VNN1: variants seen among roughly 807,000 people sequenced by gnomAD.
The protein encoded by VNN1 is vanin 1, also known as pantetheinase.
In VNN1, 29 loss-of-function variants were observed where a neutral mutation model predicts 41.9. The ratio of observed to expected loss-of-function variants is 0.69; its 90% CI spans 0.52 to 0.94. VNN1 has a LOEUF of 0.94. VNN1 is among the 40% of genes least tolerant of loss of function. The pLI, the probability that VNN1 is intolerant of heterozygous loss-of-function variation, is 0.00. For synonymous variants in VNN1, 233 were observed against 224.4 expected (o/e 1.04, Z -0.34); for missense variants, 637 against 621.1 (o/e 1.03, Z -0.27).
At chr6:132,690,441 G>A (rs909230621) in intron 5 of VNN1, among the ~76,000 whole-genome samples, 4 of 152,118 alleles carry the variant, frequency 2.6e-5, no homozygotes, top group Non-Finnish European at 5.9e-5. Context: ...ACACCACAAA[G>A]AATCCCCTCC....
At chr6:132,693,620 G>A (rs1368019928) in intron 3 of VNN1, among the ~76,000 whole-genome samples, 4 of 152,154 alleles carry the variant, frequency 2.6e-5, no homozygotes, top group African/African-American at 9.7e-5. Context: ...TCCTTGGCAA[G>A]GAACTTTGTT....
At chr6:132,695,670 TC>T (rs1207642836) in intron 2 of VNN1, among the ~76,000 whole-genome samples, 1 of 152,196 alleles carries the variant, frequency 6.6e-6, no homozygotes, top group East Asian at 1.9e-4. Flanking sequence ...ATTTATTTTC[TC>T]TTTTTCTCCT....
chr6:132,705,275 C>A (rs1298601421), intron 2 of VNN1, among the ~76,000 whole-genome samples: 1 of 152,048 alleles, frequency 6.6e-6, no homozygotes, highest in Non-Finnish European at 1.5e-5. Flanking sequence ...AAAACCTCAA[C>A]AAAATACTAG....
At chr6:132,683,382 C>G in intron 6 of VNN1, 60 bp from the exon 7 acceptor site, 1 of 1,508,620 alleles carries the variant, frequency 6.6e-7, no homozygotes, top group Non-Finnish European at 9.0e-7. Context: ...CCATAAATCA[C>G]TTTTAAAATT....
chr6:132,695,331 A>T (rs1778353214), intron 2 of VNN1, among the ~76,000 whole-genome samples: 1 of 152,180 alleles, frequency 6.6e-6, no homozygotes, highest in Non-Finnish European at 1.5e-5. Context: ...TTGGAAGGTA[A>T]CTTACAGTTA....
intron 2 of VNN1, 131 bp downstream of exon 2, chr6:132,711,578 A>G (rs1373986111): frequency 9.5e-7 from 1 of 1,054,304 alleles, no homozygotes; most frequent in Non-Finnish European, 1.3e-6. Flanking sequence ...ATATACCCAT[A>G]GTAGATGAAA....
At chr6:132,705,218 A>T (rs567346014) in intron 2 of VNN1, among the ~76,000 whole-genome samples, 1 of 152,214 alleles carries the variant, frequency 6.6e-6, no homozygotes, top group East Asian at 1.9e-4. Flanking sequence ...AAAGACACAT[A>T]AAAAAGAAAA....
intron 2 of VNN1, among the ~76,000 whole-genome samples, chr6:132,705,256 T>G (rs1034496281): frequency 6.6e-6 from 1 of 151,984 alleles, no homozygotes; most frequent in African/African-American, 2.4e-5. Flanking sequence ...TGATGAACAT[T>G]GATGCAAAAA....
intron 2 of VNN1, 44 bp from the exon 3 acceptor site, chr6:132,694,226 C>G: frequency 6.6e-7 from 1 of 1,513,578 alleles, no homozygotes; most frequent in Non-Finnish European, 8.8e-7. Flanking sequence ...GTAAATCAAT[C>G]TTAACTCTCA....
rs778427886 is a variant in VNN1 at position 132,692,995 on chromosome 6, G to A, written c.826+29C>T. On this transcript the variant is annotated intron_variant, in intron 4 of 6. Coordinates refer to ENST00000367928, the MANE Select transcript of VNN1 (RefSeq NM_004666.3). ...TTTCTTTTCTTTTCTGATTACATCAGCCTGCATATCTTTAAGATCACACAT... is the reference window on the plus strand; with the variant it reads ...TTTCTTTTCTTTTCTGATTACATCAACCTGCATATCTTTAAGATCACACAT... 1.9e-5 allele frequency: 29 copies of A among 1,559,876 alleles called. No individual in the cohort carries two copies. In the East Asian group the frequency reaches 5.9e-4, roughly 32 times the overall value.
At chr6:132,713,772 A>G (rs1329391715) in intron 1 of VNN1, 54 bp downstream of exon 1, 2 of 1,586,986 alleles carry the variant, frequency 1.3e-6, no homozygotes, top group Non-Finnish European at 1.7e-6. Flanking sequence ...GTCTCCTAGG[A>G]CCCCCTCCTT....
Position 132,683,267 on chromosome 6 carries a change from G to T in VNN1, c.1415C>A (p.Thr472Lys), listed in dbSNP as rs757941798. ...SLKPTSGPVL[T>K]VTLFGRLYEK... Reference sequence around the variant, plus strand: ...ATACAACCTCCCAAACAGAGTTACTGTTAAGACAGGTCCGGATGTTGGCTT... The same window carrying T: ...ATACAACCTCCCAAACAGAGTTACTTTTAAGACAGGTCCGGATGTTGGCTT... The change falls in exon 7 of 7, where the codon ACA (threonine) becomes AAA (lysine). Residue 472 changes from threonine (T) to lysine (K), a missense_variant. By Grantham distance (78) the Thr-to-Lys change is moderately conservative (BLOSUM62 -1). Transcript: ENST00000367928. 6.2e-7 allele frequency: 1 copy of T among 1,614,060 alleles called. No individual in the cohort carries two copies. The highest frequency in any genetic ancestry group is 8.5e-7 in the Non-Finnish European group (1 of 1,180,000).
In VNN1 at chr6:132,711,633, A is replaced by G. The variant is rs888999291; in HGVS notation, c.341+76T>C. 1.0e-4 allele frequency: 155 copies of G among 1,526,112 alleles called. No homozygotes were observed. In the East Asian group the frequency reaches 3.3e-3, roughly 32 times the overall value. The allele number at this position is 1,526,112 out of a possible 1,614,324, so 94.5% of individuals were successfully genotyped here. A position where few individuals can be genotyped will look rare whatever the true frequency, so the allele number is the denominator to read the frequency against. On this transcript the variant is annotated intron_variant, in intron 2 of 6. Transcript: ENST00000367928. ...TAAGAATTGATCATGGATCTATGCA[A>G]TGATCATCAACAAAGTTTTCCCAGG...
In VNN1 at chr6:132,714,051, G is replaced by T; in HGVS notation, c.-16C>A. ...GAGTAGTCATGCTGAAGTCCAATGA[G>T]TGCTGAAAAACAGAGCATGTCCTGG... On this transcript the variant is annotated 5_prime_UTR_variant, in exon 1 of 7. Transcript: ENST00000367928. The T allele has an allele frequency of 6.2e-7, 1 of 1,600,702 alleles. No homozygotes were observed. Among genetic ancestry groups the T allele is most frequent in the Non-Finnish European group, 8.5e-7 (1 of 1,172,068 alleles).
In VNN1 at chr6:132,711,577, T is replaced by C. The variant is rs763434346; in HGVS notation, c.341+132A>G. 451 of 1,041,346 alleles carry C rather than the reference T, an allele frequency of 4.3e-4. No individual in the cohort carries two copies. Among genetic ancestry groups the C allele is most frequent in the Non-Finnish European group, 5.6e-4 (420 of 745,184 alleles). 64.5% of individuals were successfully genotyped at this position (1,041,346 alleles called of 1,614,324 possible). On this transcript the variant is annotated intron_variant, in intron 2 of 6. Transcript: ENST00000367928. ...TTTGCTCTCCCAGTAAATATACCCA[T>C]AGTAGATGAAAAATAAGCTATACTG...
At chr6:132,687,676 T>C (rs1422226187) in intron 5 of VNN1, among the ~76,000 whole-genome samples, 1 of 152,156 alleles carries the variant, frequency 6.6e-6, no homozygotes, top group African/African-American at 2.4e-5. Context: ...GAAATCTCAA[T>C]ATGACAACTG....
At chr6:132,711,006 C>G (rs1375469452) in intron 2 of VNN1, among the ~76,000 whole-genome samples, 4 of 152,166 alleles carry the variant, frequency 2.6e-5, no homozygotes, top group Non-Finnish European at 5.9e-5. Flanking sequence ...AAAGAGTTCC[C>G]CTTTCTCCAC....
intron 2 of VNN1, among the ~76,000 whole-genome samples, chr6:132,711,000 A>G (rs1778590801): frequency 6.6e-6 from 1 of 152,188 alleles, no homozygotes; most frequent in South Asian, 2.1e-4. Context: ...AGTGTAAAAG[A>G]GTTCCCCTTT....
chr6:132,713,867 G>T lies in VNN1; in HGVS notation c.169C>A (p.Leu57Met). The T allele has an allele frequency of 6.2e-7, 1 of 1,613,570 alleles. No individual in the cohort carries two copies. Among genetic ancestry groups the T allele is most frequent in the East Asian group, 2.2e-5 (1 of 44,880 alleles). ...EEALALMNRN[L>M]DILEGAITSA... ...GTGATCGCTCCTTCCAAAATGTCCA[G>T]ATTCCGATTCATTAATGCCAAAGCC... is the stretch of plus-strand genomic sequence containing the variant. The change falls in exon 1 of 7, where the codon CTG (leucine) becomes ATG (methionine). Residue 57 changes from leucine (L) to methionine (M), a missense_variant. Transcript: ENST00000367928.
Sources: gnomAD v4.1 joint callset for allele counts (sites outside exome capture counted in the v4.1 genomes callset) on GRCh38, gnomAD v4.1.1 for gene constraint, MANE v1.5 for transcripts, NCBI Gene and HGNC (gene_info 2026-07-23, HGNC 2026-07-21) for gene names.